HHAT: variants seen among roughly 807,000 people sequenced by gnomAD.
HHAT encodes the protein protein-cysteine N-palmitoyltransferase HHAT.
In HHAT, 47 loss-of-function variants were observed where a neutral mutation model predicts 70.8. The observed-to-expected ratio is 0.66, with a 90% CI of 0.53 to 0.85. HHAT has a LOEUF of 0.85. Ranked by LOEUF, HHAT falls within the 40% of genes least tolerant of loss-of-function variation. HHAT has a pLI of 0.00. For missense variants in HHAT, 609 were observed against 604.8 expected, an observed-to-expected ratio of 1.01 and a Z score of -0.07; for synonymous variants, 228 against 247.6, an observed-to-expected ratio of 0.92 and a Z score of 0.74.
intron 4 of HHAT, among the ~76,000 whole-genome samples, chr1:210,392,458 T>C (rs2091519452): frequency 6.6e-6 from 1 of 152,166 alleles, no homozygotes; most frequent in Non-Finnish European, 1.5e-5. Flanking sequence ...CTCTCCTCTG[T>C]GAAATTTTAA....
chr1:210,386,699 C>T (rs531610558), intron 3 of HHAT, among the ~76,000 whole-genome samples: 11 of 152,260 alleles, frequency 7.2e-5, no homozygotes, highest in East Asian at 5.8e-4. Flanking sequence ...TCTTGGCCTC[C>T]GTGGTCCTTT....
chr1:210,375,010 G>C (rs1174308534), intron 3 of HHAT, among the ~76,000 whole-genome samples: 1 of 152,230 alleles, frequency 6.6e-6, no homozygotes, highest in African/African-American at 2.4e-5. Flanking sequence ...CCCCAGTGGG[G>C]AATCTTCCAT....
chr1:210,511,262 T>C (rs1421148968), intron 8 of HHAT, among the ~76,000 whole-genome samples: 1 of 152,198 alleles, frequency 6.6e-6, no homozygotes, highest in African/African-American at 2.4e-5. Flanking sequence ...AGAAGACTTA[T>C]GAATAAGTGG....
intron 8 of HHAT, among the ~76,000 whole-genome samples, chr1:210,503,093 A>AT (rs2094790620): frequency 6.6e-6 from 1 of 151,942 alleles, no homozygotes; most frequent in Non-Finnish European, 1.5e-5. Context: ...CCGAGTAGCT[A>AT]GGACTACAGG....
At chr1:210,574,917 A>G (rs1398249195) in intron 9 of HHAT, among the ~76,000 whole-genome samples, 2 of 152,246 alleles carry the variant, frequency 1.3e-5, no homozygotes, top group African/African-American at 2.4e-5. Context: ...GCCATGATAA[A>G]TGAGTTTGAA....
chr1:210,337,843 A>AGG (rs568703751), intron 1 of HHAT, among the ~76,000 whole-genome samples: 6,329 of 74,428 alleles, frequency 0.085, 251 homozygotes, highest in Non-Finnish European at 0.087. Flanking sequence ...TGGACCCCAC[A>AGG]GAGGGGATCT....
At position 210,651,211 on chromosome 1, in the gene HHAT, A is replaced by C. The variant is rs958771889; in HGVS notation, c.1391-23077A>C. Among the ~76,000 whole-genome samples the C allele has an allele frequency of 3.3e-5, 5 of 152,324 alleles. No individual in the cohort carries two copies. In the South Asian group the frequency reaches 1.0e-3, roughly 32 times the overall value. ...CTACTCATCTCTCCAGACTCAGCAG[A>C]ATTATTGCCTCTCCACAGGGGCAGT... is the stretch of plus-strand genomic sequence containing the variant. On this transcript the variant is annotated intron_variant, in intron 11 of 11. Coordinates refer to ENST00000261458, the MANE Select transcript of HHAT (RefSeq NM_018194.6).
intron 10 of HHAT, among the ~76,000 whole-genome samples, chr1:210,600,971 C>A (rs1288727991): frequency 6.6e-6 from 1 of 151,994 alleles, no homozygotes; most frequent in Non-Finnish European, 1.5e-5. Flanking sequence ...TCCTGCTGAG[C>A]TGATTTATAT....
intron 2 of HHAT, among the ~76,000 whole-genome samples, chr1:210,351,802 AG>A (rs1300836507): frequency 3.3e-5 from 5 of 152,188 alleles, no homozygotes; most frequent in African/African-American, 1.2e-4. Flanking sequence ...GCTGGGTTCC[AG>A]CTGTTGCACG....
Position 210,619,100 on chromosome 1 carries a change from G to C in HHAT, c.1246-4426G>C, listed in dbSNP as rs116373790. ...TCTGCCCTAGGCCAGTGTTCTGAGGGGCTTGCTGTAACCAGGCCAAAAGTC... is the reference window on the plus strand; with the variant it reads ...TCTGCCCTAGGCCAGTGTTCTGAGGCGCTTGCTGTAACCAGGCCAAAAGTC... On this transcript the variant is annotated intron_variant, in intron 10 of 11. Transcript: ENST00000261458. 4.3e-3 allele frequency among the ~76,000 whole-genome samples: 661 copies of C among 152,212 alleles called. 3 individuals are homozygous for C. The highest frequency in any genetic ancestry group is 0.015 in the African/African-American group (639 of 41,522).
chr1:210,639,615 G>C (rs1270340040), intron 11 of HHAT, among the ~76,000 whole-genome samples: 1 of 152,220 alleles, frequency 6.6e-6, no homozygotes, highest in Non-Finnish European at 1.5e-5. Context: ...ACATCTCAGT[G>C]TTAAATGTGC....
chr1:210,567,273 C>T (rs1308926565), intron 9 of HHAT, among the ~76,000 whole-genome samples: 1 of 152,224 alleles, frequency 6.6e-6, no homozygotes. Flanking sequence ...AGAGAACGTG[C>T]ATCACTGTAA....
chr1:210,502,123 G>C (rs1304243276), intron 8 of HHAT, among the ~76,000 whole-genome samples: 1 of 151,328 alleles, frequency 6.6e-6, no homozygotes, highest in Non-Finnish European at 1.5e-5. Flanking sequence ...GGTGGCTCAC[G>C]CCTGTAATCC....
chr1:210,380,942 C>T (rs1487278659), intron 3 of HHAT, among the ~76,000 whole-genome samples: 2 of 151,946 alleles, frequency 1.3e-5, no homozygotes, highest in African/African-American at 4.8e-5. Context: ...AGAAGTTTCT[C>T]TGGAATGCTA....
intron 9 of HHAT, among the ~76,000 whole-genome samples, chr1:210,522,136 T>G (rs563038008): frequency 1.3e-5 from 2 of 152,354 alleles, no homozygotes; most frequent in East Asian, 3.9e-4. Flanking sequence ...GTGAATGACC[T>G]TATTAAAACA....
chr1:210,416,635 G>A (rs2092728979), intron 6 of HHAT, among the ~76,000 whole-genome samples: 1 of 152,174 alleles, frequency 6.6e-6, no homozygotes. Flanking sequence ...ATTTTCATCT[G>A]TGTTGTCCAC....
In HHAT at chr1:210,364,255, A is replaced by C. The variant is rs545401519; in HGVS notation, c.159+1336A>C. On this transcript the variant is annotated intron_variant, in intron 3 of 11. Coordinates refer to ENST00000261458, the MANE Select transcript of HHAT (RefSeq NM_018194.6). ...TAAGCCCTTTTTAGGATTGTTAATA[A>C]GAATGTAATGTGGGTAGTATTGTGC... Among the ~76,000 whole-genome samples, 17 of 152,338 alleles carry C rather than the reference A, an allele frequency of 1.1e-4. No homozygotes were observed. In the South Asian group the frequency reaches 3.5e-3, roughly 32 times the overall value.
intron 8 of HHAT, 136 bp from the exon 9 acceptor site, chr1:210,513,016 GC>G: frequency 1.7e-6 from 1 of 572,630 alleles, no homozygotes; most frequent in Non-Finnish European, 3.1e-6. Context: ...TGCTCCAGCA[GC>G]CACATCTTGA....
intron 8 of HHAT, among the ~76,000 whole-genome samples, chr1:210,469,161 T>C (rs1237603188): frequency 6.6e-6 from 1 of 152,098 alleles, no homozygotes; most frequent in Non-Finnish European, 1.5e-5. Flanking sequence ...GACTGGCTGA[T>C]GAAAGGCTCA....
Sources: gnomAD v4.1 joint callset for allele counts (sites outside exome capture counted in the v4.1 genomes callset) on GRCh38, gnomAD v4.1.1 for gene constraint, MANE v1.5 for transcripts, NCBI Gene and HGNC (gene_info 2026-07-23, HGNC 2026-07-21) for gene names.